The following ANXA2 variants were observed in gnomAD, a reference collection of about 807,000 sequenced individuals.
The protein encoded by ANXA2 is annexin A2.
In ANXA2, 28 loss-of-function variants were observed where a neutral mutation model predicts 47.3. The observed-to-expected ratio is 0.59, with a 90% confidence interval of 0.44 to 0.81. The LOEUF is 0.81. Ranked by LOEUF, ANXA2 falls within the 40% of genes least tolerant of loss-of-function variation. ANXA2 has a pLI of 0.00. For synonymous variants in ANXA2, 172 were observed against 155.5 expected (o/e 1.11, Z -0.79); for missense variants, 384 against 414.3 (o/e 0.93, Z 0.64).
At chr15:60,356,023 T>G (rs1335180846) in intron 6 of ANXA2, 25 bp from the exon 7 acceptor site, 1 of 1,578,506 alleles carries the variant, frequency 6.3e-7, no homozygotes, top group East Asian at 2.2e-5. Flanking sequence ...CATCTGGTTT[T>G]ATGCTTTCTG....
chr15:60,376,273 T>G (rs12595605), intron 3 of ANXA2, among the ~76,000 whole-genome samples: 14,159 of 151,900 alleles, frequency 0.093, 922 homozygotes, highest in East Asian at 0.24. Context: ...TCCCAGCTAC[T>G]CGGGAGGCTG....
Position 60,351,256 on chromosome 15 carries a change from GGA to G in ANXA2, c.779-7_779-6del. ...GCTTGTTCTGAATGCACTGAACTGT[GGA>G]GAGAAGAAAGGGAGTCAGCGCTGCA... On this transcript the variant is annotated splice_region_variant and splice_polypyrimidine_tract_variant and intron_variant, in intron 10 of 12. Transcript: ENST00000451270. 1 of 1,614,168 alleles carries G rather than the reference GGA, an allele frequency of 6.2e-7. No homozygotes were observed. Among genetic ancestry groups the G allele is most frequent in the Non-Finnish European group, 8.5e-7 (1 of 1,180,006 alleles).
chr15:60,392,031 G>A (rs72746628), intron 1 of ANXA2, among the ~76,000 whole-genome samples: 6,895 of 152,158 alleles, frequency 0.045, 222 homozygotes, highest in Non-Finnish European at 0.066. Context: ...ATCAGAGAAC[G>A]TTTTTCTGTT....
intron 4 of ANXA2, among the ~76,000 whole-genome samples, chr15:60,363,282 G>C (rs1193832290): frequency 5.2e-4 from 79 of 152,152 alleles, no homozygotes; most frequent in Non-Finnish European, 5.9e-5. Flanking sequence ...AGTGAAAGAA[G>C]AATTTTAATG....
chr15:60,387,317 A>C (rs1175196061), intron 1 of ANXA2, among the ~76,000 whole-genome samples: 1 of 152,122 alleles, frequency 6.6e-6, no homozygotes, highest in Admixed American at 6.5e-5. Context: ...TCAGTCAAAG[A>C]CCTTCCACTT....
At chr15:60,369,238 G>T (rs1162727642) in intron 3 of ANXA2, among the ~76,000 whole-genome samples, 1 of 152,228 alleles carries the variant, frequency 6.6e-6, no homozygotes, top group African/African-American at 2.4e-5. Context: ...CCCACAAAGT[G>T]GACGTGTGCC....
chr15:60,352,593 G>T lies in ANXA2; in HGVS notation c.589-117C>A. On this transcript the variant is annotated intron_variant, in intron 8 of 12. Coordinates refer to ENST00000451270, the MANE Select transcript of ANXA2 (RefSeq NM_004039.3). This position sits in a 1 kb window ranked among gnomAD's most constrained non-coding sequence, Gnocchi z 4.2. ...TTCAAAATGCCAAACGAGGAAAGAT[G>T]ATTATACTGCAGACATGGGCAGAGA... is the stretch of plus-strand genomic sequence containing the variant. 19 of 731,050 alleles carry T rather than the reference G, an allele frequency of 2.6e-5. 1 individual carries two copies. The allele number at this position is 731,050 out of a possible 1,614,324, so 45.3% of individuals were successfully genotyped here. A position where few individuals can be genotyped will look rare whatever the true frequency, so the allele number is the denominator to read the frequency against.
chr15:60,349,427 CTA>C (rs1895888519), intron 11 of ANXA2, among the ~76,000 whole-genome samples: 1 of 152,166 alleles, frequency 6.6e-6, no homozygotes, highest in African/African-American at 2.4e-5. Context: ...TACCTTTAGG[CTA>C]TGTGTGTAAG....
chr15:60,391,338 C>A (rs1249343971), intron 1 of ANXA2: 1 of 152,300 alleles, frequency 6.6e-6, no homozygotes, highest in Non-Finnish European at 1.5e-5. Flanking sequence ...GAGGTGCTGT[C>A]TGCCTAGGCT....
chr15:60,397,624 C>T (rs1438414396), intron 1 of ANXA2, among the ~76,000 whole-genome samples: 1 of 152,148 alleles, frequency 6.6e-6, no homozygotes, highest in Non-Finnish European at 1.5e-5. Flanking sequence ...AATGCGGGGC[C>T]TCCCTCCGCC....
chr15:60,357,259 A>G (rs1389718572), intron 5 of ANXA2, 23 bp from the exon 6 acceptor site: 1 of 1,599,304 alleles, frequency 6.3e-7, no homozygotes. Flanking sequence ...AAGCACGAAC[A>G]TCAGCAGGGA....
intron 3 of ANXA2, among the ~76,000 whole-genome samples, chr15:60,367,432 TG>T (rs765725955): frequency 0.6 from 2,276 of 3,806 alleles, 864 homozygotes; most frequent in Middle Eastern, 1. Flanking sequence ...GGGAGGGAGG[TG>T]GGGGGGGGGG....
At chr15:60,360,197 A>C (rs1260010629) in intron 5 of ANXA2, among the ~76,000 whole-genome samples, 2 of 152,218 alleles carry the variant, frequency 1.3e-5, no homozygotes, top group Non-Finnish European at 2.9e-5. Flanking sequence ...CAGAGGTTGC[A>C]GTGAACTGAG....
chr15:60,368,317 A>AAAAAT (rs1555401437), intron 3 of ANXA2, among the ~76,000 whole-genome samples: 27 of 44,318 alleles, frequency 6.1e-4, no homozygotes, highest in South Asian at 1.4e-3. Context: ...ATAAAAAAAA[A>AAAAAT]AAATAAAATA....
At chr15:60,371,900 C>T (rs1406808033) in intron 3 of ANXA2, among the ~76,000 whole-genome samples, 1 of 152,128 alleles carries the variant, frequency 6.6e-6, no homozygotes, top group Admixed American at 6.5e-5. Context: ...GCCTATAATC[C>T]CAGCACTTTG....
At chr15:60,371,677 T>C (rs961068372) in intron 3 of ANXA2, among the ~76,000 whole-genome samples, 2 of 152,258 alleles carry the variant, frequency 1.3e-5, no homozygotes, top group Middle Eastern at 6.8e-3. Context: ...CCAGATCCTC[T>C]CCTTACCTAG....
chr15:60,368,316 A>AAAAAAAATAAAAT (rs1555401433), intron 3 of ANXA2, among the ~76,000 whole-genome samples: 2 of 114,006 alleles, frequency 1.8e-5, no homozygotes, highest in East Asian at 2.5e-4. Flanking sequence ...AATAAAAAAA[A>AAAAAAAATAAAAT]AAAATAAAAT....
At chr15:60,374,613 G>A in intron 3 of ANXA2, 1 of 456,088 alleles carries the variant, frequency 2.2e-6, no homozygotes, top group Non-Finnish European at 4.4e-6. Context: ...GAAAGCTGAT[G>A]CTTACAATTA....
intron 7 of ANXA2, among the ~76,000 whole-genome samples, chr15:60,355,002 C>T (rs973475012): frequency 2.0e-5 from 3 of 152,090 alleles, no homozygotes; most frequent in Non-Finnish European, 4.4e-5. Context: ...AAGGGTCAGT[C>T]AGATGCAGCT....
Sources: allele counts gnomAD v4.1 joint callset (sites outside exome capture counted in the v4.1 genomes callset), GRCh38; gene constraint gnomAD v4.1.1; non-coding constraint Gnocchi (gnomAD v3.1); transcripts MANE v1.5; gene names NCBI Gene and HGNC (gene_info 2026-07-23, HGNC 2026-07-21).